The following GRM5 variants were observed in gnomAD, a reference collection of about 807,000 sequenced individuals.
GRM5 encodes glutamate metabotropic receptor 5.
Under a neutral mutation model 83.1 loss-of-function variants are expected in GRM5, and 19 were observed. The ratio of observed to expected loss-of-function variants is 0.23; its 90% CI spans 0.16 to 0.34. GRM5 has a LOEUF of 0.34. GRM5 is among the 10% of genes least tolerant of loss of function. The pLI is 1.00. For synonymous variants in GRM5, 675 were observed against 633.6 expected, an observed-to-expected ratio of 1.07 and a Z score of -0.98; for missense variants, 1,160 against 1,588.3, an observed-to-expected ratio of 0.73 and a Z score of 4.58.
At chr11:88,823,954 G>A (rs1026971215) in intron 3 of GRM5, among the ~76,000 whole-genome samples, 3 of 151,936 alleles carry the variant, frequency 2.0e-5, no homozygotes, top group Admixed American at 6.6e-5. Flanking sequence ...TTGGTCCTAC[G>A]ATCATTCCAT....
intron 4 of GRM5, among the ~76,000 whole-genome samples, chr11:88,621,216 A>G (rs1386014960): frequency 6.6e-6 from 1 of 152,224 alleles, no homozygotes; most frequent in Non-Finnish European, 1.5e-5. Flanking sequence ...TCAAACTCCT[A>G]GACCAGACTT....
At chr11:88,936,960 G>A (rs537826018) in intron 2 of GRM5, among the ~76,000 whole-genome samples, 19 of 151,822 alleles carry the variant, frequency 1.3e-4, no homozygotes, top group African/African-American at 4.3e-4. Flanking sequence ...TATAGGAAGT[G>A]GAGGATGGAA....
At chr11:88,940,787 A>G (rs1342214896) in intron 2 of GRM5, among the ~76,000 whole-genome samples, 13 of 152,034 alleles carry the variant, frequency 8.6e-5, no homozygotes, top group Admixed American at 7.9e-4. Context: ...GTATATTGAA[A>G]AAAAGTGACT....
At chr11:88,742,461 C>G (rs1942049056) in intron 3 of GRM5, among the ~76,000 whole-genome samples, 1 of 152,020 alleles carries the variant, frequency 6.6e-6, no homozygotes, top group African/African-American at 2.4e-5. Context: ...GGAGTCAAAT[C>G]TGGGATCCAA....
intron 2 of GRM5, among the ~76,000 whole-genome samples, chr11:89,039,196 C>T (rs1383643760): frequency 1.3e-5 from 2 of 151,406 alleles, no homozygotes; most frequent in South Asian, 2.1e-4. Context: ...ACCTGGGAGG[C>T]GGAGGTTGCA....
At chr11:88,726,375 T>C (rs1001004330) in intron 3 of GRM5, among the ~76,000 whole-genome samples, 1 of 152,064 alleles carries the variant, frequency 6.6e-6, no homozygotes, top group East Asian at 1.9e-4. Context: ...GCCTCCAAGA[T>C]ATATGGGACT....
intron 4 of GRM5, among the ~76,000 whole-genome samples, chr11:88,611,111 T>G (rs1057437543): frequency 9.2e-5 from 14 of 152,172 alleles, no homozygotes; most frequent in African/African-American, 3.4e-4. Flanking sequence ...TTCTGAATTC[T>G]GTTTGCTAGT....
intron 7 of GRM5, among the ~76,000 whole-genome samples, chr11:88,570,926 T>C (rs920162985): frequency 1.3e-5 from 2 of 152,028 alleles, no homozygotes; most frequent in African/African-American, 4.8e-5. Context: ...ACAATAAAAT[T>C]TATTAAATAT....
chr11:89,038,177 G>A (rs767015416), intron 2 of GRM5, among the ~76,000 whole-genome samples: 1 of 151,732 alleles, frequency 6.6e-6, no homozygotes, highest in African/African-American at 2.4e-5. Flanking sequence ...GTGTGTGTGT[G>A]TGAAAATCAA....
chr11:88,565,589 T>C (rs1942859023), intron 8 of GRM5, among the ~76,000 whole-genome samples: 1 of 152,180 alleles, frequency 6.6e-6, no homozygotes. Flanking sequence ...AAAATAAATT[T>C]TCTTAGCCAA....
intron 9 of GRM5, among the ~76,000 whole-genome samples, chr11:88,512,915 C>T (rs765969594): frequency 1.3e-5 from 2 of 152,144 alleles, no homozygotes; most frequent in Non-Finnish European, 2.9e-5. Flanking sequence ...GCCATAAAAC[C>T]TTTCAGGTTC....
chr11:88,832,605 GA>G lies in GRM5; in HGVS notation c.911+17300del, dbSNP rs560891472. On this transcript the variant is annotated intron_variant, in intron 3 of 9. Transcript: ENST00000305447. ...ACCAATAATATTCTTCACAGAAAAAGAAAAAAAAATCTTAAAATTTATATGG... is the reference window on the plus strand; with the variant it reads ...ACCAATAATATTCTTCACAGAAAAAGAAAAAAAATCTTAAAATTTATATGG... 2.7e-3 allele frequency among the ~76,000 whole-genome samples: 397 copies of G among 149,386 alleles called. 3 individuals carry two copies. Among genetic ancestry groups the G allele is most frequent in the African/African-American group, 9.2e-3 (376 of 40,770 alleles).
intron 2 of GRM5, among the ~76,000 whole-genome samples, chr11:88,994,044 A>T (rs1190732998): frequency 6.6e-6 from 1 of 152,168 alleles, no homozygotes; most frequent in East Asian, 1.9e-4. Context: ...TATAAAAGCA[A>T]TATACAAAAA....
chr11:88,853,479 G>T (rs2135543785), intron 2 of GRM5, among the ~76,000 whole-genome samples: 1 of 152,054 alleles, frequency 6.6e-6, no homozygotes, highest in South Asian at 2.1e-4. Flanking sequence ...AAAATAATCA[G>T]GAGGCAGCTA....
At chr11:88,781,549 C>A (rs1261509102) in intron 3 of GRM5, among the ~76,000 whole-genome samples, 2 of 152,092 alleles carry the variant, frequency 1.3e-5, no homozygotes, top group South Asian at 2.1e-4. Context: ...TCCAGGCAGG[C>A]TGATTGTCCT....
At chr11:88,691,903 C>T (rs1940789022) in intron 3 of GRM5, among the ~76,000 whole-genome samples, 1 of 152,182 alleles carries the variant, frequency 6.6e-6, no homozygotes, top group African/African-American at 2.4e-5. Flanking sequence ...TGATCCTCCC[C>T]TTTGAAGCAG....
intron 2 of GRM5, among the ~76,000 whole-genome samples, chr11:88,960,118 A>C (rs1938738398): frequency 6.6e-6 from 1 of 152,178 alleles, no homozygotes; most frequent in African/African-American, 2.4e-5. Context: ...AGAATGTTTG[A>C]GAAAGAGCAA....
chr11:88,756,055 A>G (rs952158836), intron 3 of GRM5, among the ~76,000 whole-genome samples: 5 of 152,064 alleles, frequency 3.3e-5, no homozygotes, highest in African/African-American at 1.2e-4. Flanking sequence ...CCTAGCAGCC[A>G]TTTTCTGTCT....
Position 88,999,027 on chromosome 11 carries a change from C to T in GRM5, c.661+48185G>A, listed in dbSNP as rs747286825. On this transcript the variant is annotated intron_variant, in intron 2 of 9. Transcript: ENST00000305447. The stretch of plus-strand genomic sequence containing the variant: ...TAATAAATGGTGCTGGGAAAACTGG[C>T]TAGCCATATGTAGAAAGCTGAAACT... Among the ~76,000 whole-genome samples the T allele has an allele frequency of 2.3e-3, 353 of 152,200 alleles. 1 individual carries two copies. Among genetic ancestry groups the T allele is most frequent in the Non-Finnish European group, 4.4e-3 (298 of 68,004 alleles).
Sources: allele counts gnomAD v4.1 joint callset (sites outside exome capture counted in the v4.1 genomes callset), GRCh38; gene constraint gnomAD v4.1.1; transcripts MANE v1.5; gene names NCBI Gene and HGNC (gene_info 2026-07-23, HGNC 2026-07-21).